SLC22A2: variants seen among roughly 807,000 people sequenced by gnomAD.
The protein encoded by SLC22A2 is solute carrier family 22 member 2.
SLC22A2 carries 46 observed loss-of-function variants against 60.5 expected under a neutral mutation model. The observed-to-expected ratio is 0.76, with a 90% CI of 0.60 to 0.97. SLC22A2 has a LOEUF of 0.97. SLC22A2 is among the 50% of genes least tolerant of loss of function. The pLI is 0.00. For synonymous variants in SLC22A2, 303 were observed against 267.0 expected, an observed-to-expected ratio of 1.13 and a Z score of -1.31; for missense variants, 701 against 706.6, an observed-to-expected ratio of 0.99 and a Z score of 0.09.
At chr6:160,218,964 CA>C (rs1417677299) in intron 10 of SLC22A2, among the ~76,000 whole-genome samples, 3 of 152,262 alleles carry the variant, frequency 2.0e-5, no homozygotes, top group Non-Finnish European at 2.9e-5. Context: ...ACAGCAGCAG[CA>C]GCAGCAGCAG....
intron 1 of SLC22A2, 105 bp downstream of exon 1, chr6:160,258,239 A>C: frequency 7.8e-7 from 1 of 1,279,620 alleles, no homozygotes; most frequent in Non-Finnish European, 1.1e-6. Flanking sequence ...CAGGCCAAAG[A>C]GATGTCCAGG....
intron 2 of SLC22A2, among the ~76,000 whole-genome samples, chr6:160,256,216 G>C (rs541982719): frequency 1.3e-5 from 2 of 151,936 alleles, no homozygotes; most frequent in African/African-American, 2.4e-5. Context: ...CAGCATATGC[G>C]AGACAAGCAG....
chr6:160,221,848 A>G (rs1782648946), intron 10 of SLC22A2, among the ~76,000 whole-genome samples: 3 of 152,220 alleles, frequency 2.0e-5, no homozygotes, highest in Non-Finnish European at 4.4e-5. Flanking sequence ...CTGATTGCAG[A>G]TCACCATCAC....
At chr6:160,250,831 G>T in intron 2 of SLC22A2, 129 bp from the exon 3 acceptor site, 1 of 880,516 alleles carries the variant, frequency 1.1e-6, no homozygotes, top group Non-Finnish European at 1.7e-6. Flanking sequence ...AATCCAGGAG[G>T]CACAGACTGA....
At chr6:160,232,779 C>G (rs373325647) in intron 9 of SLC22A2, among the ~76,000 whole-genome samples, 1 of 151,876 alleles carries the variant, frequency 6.6e-6, no homozygotes, top group African/African-American at 2.4e-5. Flanking sequence ...AAGCAGCTAG[C>G]ATTCCAACTT....
In SLC22A2 at chr6:160,253,452, A is replaced by G. The variant is rs547409608; in HGVS notation, c.519-2750T>C. ...AAACCGACATGGTGCACTGGTGGTC[A>G]TGTCTTATGGAAAGCTGCTCCTGCC... On this transcript the variant is annotated intron_variant, in intron 2 of 10. Transcript: ENST00000366953. Among the ~76,000 whole-genome samples the G allele has an allele frequency of 3.9e-5, 6 of 152,268 alleles. No individual in the cohort carries two copies. The South Asian group carries it at 1.2e-3, about 32-fold the overall frequency.
At chr6:160,234,861 C>T (rs1490940747) in intron 9 of SLC22A2, among the ~76,000 whole-genome samples, 1 of 152,206 alleles carries the variant, frequency 6.6e-6, no homozygotes, top group African/African-American at 2.4e-5. Flanking sequence ...TCAATCCTGG[C>T]TTAGGGAATG....
chr6:160,226,595 C>T (rs1782728752), intron 9 of SLC22A2, among the ~76,000 whole-genome samples: 1 of 152,092 alleles, frequency 6.6e-6, no homozygotes, highest in African/African-American at 2.4e-5. Context: ...TTTTTCTGTC[C>T]ATAAATCTTC....
intron 10 of SLC22A2, among the ~76,000 whole-genome samples, chr6:160,219,888 C>T (rs1283749799): frequency 6.6e-6 from 1 of 152,186 alleles, no homozygotes; most frequent in African/African-American, 2.4e-5. Flanking sequence ...TTTAAAAATG[C>T]TAACAATCAT....
intron 4 of SLC22A2, among the ~76,000 whole-genome samples, chr6:160,248,105 G>A (rs950395638): frequency 4.6e-5 from 7 of 152,204 alleles, no homozygotes; most frequent in Non-Finnish European, 8.8e-5. Context: ...TTCTGTCCCC[G>A]CTGAAGCGCA....
intron 10 of SLC22A2, among the ~76,000 whole-genome samples, chr6:160,222,448 G>C (rs572475971): frequency 2.6e-5 from 4 of 152,340 alleles, no homozygotes; most frequent in African/African-American, 9.6e-5. Context: ...ACTGGCGCTG[G>C]CTAGAGAAAG....
At chr6:160,242,484 A>C in intron 7 of SLC22A2, 82 bp from the exon 8 acceptor site, 1 of 820,750 alleles carries the variant, frequency 1.2e-6, no homozygotes, top group South Asian at 1.4e-5. Flanking sequence ...GACTGTAAGG[A>C]CAAATTCCCC....
In SLC22A2 at chr6:160,241,589, A is replaced by G; in HGVS notation, c.1389-3T>C. 1 of 1,595,226 alleles carries G rather than the reference A, an allele frequency of 6.3e-7. No homozygotes were observed. The highest frequency in any genetic ancestry group is 1.7e-5 in the Admixed American group (1 of 59,956). On this transcript the variant is annotated splice_region_variant and splice_polypyrimidine_tract_variant and intron_variant, in intron 8 of 10. Coordinates refer to ENST00000366953, the MANE Select transcript of SLC22A2 (RefSeq NM_003058.4). ...AACAGATGTGGACGCCAAGATTCCT[A>G]GAATGCAGGAAACTGATTTAACTTG...
Position 160,258,780 on chromosome 6 carries a change from G to A in SLC22A2, c.-23C>T, listed in dbSNP as rs60993352. On this transcript the variant is annotated 5_prime_UTR_variant, in exon 1 of 11. Transcript: ENST00000366953. ...CATGATCCTGCAGGCAGGAGGGCCC[G>A]AGGCTGCCCGACGTGCCCGGAGCGA... 2.6e-6 allele frequency: 4 copies of A among 1,519,562 alleles called. No individual in the cohort carries two copies. The highest frequency in any genetic ancestry group is 1.3e-5 in the South Asian group (1 of 76,064). The allele number at this position is 1,519,562 out of a possible 1,614,324, so 94.1% of individuals were successfully genotyped here.
intron 2 of SLC22A2, among the ~76,000 whole-genome samples, chr6:160,254,966 G>T (rs544384019): frequency 1.2e-4 from 18 of 152,344 alleles, no homozygotes; most frequent in African/African-American, 4.1e-4. Context: ...CTCACAGCCT[G>T]TCAGGGAGTG....
Position 160,242,323 on chromosome 6 carries a change from G to T in SLC22A2, c.1359C>A (p.Val453=). 1 of 1,603,526 alleles carries T rather than the reference G, an allele frequency of 6.2e-7. No individual in the cohort carries two copies. Among genetic ancestry groups the T allele is most frequent in the Non-Finnish European group, 8.5e-7 (1 of 1,170,304 alleles). ...ITMAYEIVCL[V]NAELYPTFIR... The stretch of plus-strand genomic sequence containing the variant: ...TGAATGTGGGGTACAGCTCAGCATT[G>T]ACCAGGCAGACTATCTCATAGGCCA... Residue 453 remains valine (V), a synonymous_variant, in exon 8 of 11, where the codon GTC becomes GTA. Coordinates refer to ENST00000366953, the MANE Select transcript of SLC22A2 (RefSeq NM_003058.4).
At position 160,247,195 on chromosome 6, in the gene SLC22A2, C is replaced by A. The variant is rs751147521; in HGVS notation, c.946G>T (p.Ala316Ser). The change falls in exon 5 of 11, where the codon GCC becomes TCC. Residue 316 changes from alanine to serine, a missense_variant. Transcript: ENST00000366953. ...AGGCCCTGGCTCACCTGAAGGGAGG[C>A]GGGTAGAGATTTTCCATTTTTCTTT... ...IAKKNGKSLP[A>S]SLQRLRLEEE... The A allele has an allele frequency of 1.3e-6, 2 of 1,594,852 alleles. No homozygotes were observed. The highest frequency in any genetic ancestry group is 2.2e-5 in the South Asian group (2 of 90,700).
chr6:160,242,006 G>T (rs1310303048), intron 8 of SLC22A2, among the ~76,000 whole-genome samples: 2 of 151,832 alleles, frequency 1.3e-5, no homozygotes, highest in Non-Finnish European at 2.9e-5. Context: ...GCTTCCCTAA[G>T]CTGTTTCTAT....
At chr6:160,224,552 T>G (rs1215297337) in intron 10 of SLC22A2, among the ~76,000 whole-genome samples, 153 bp downstream of exon 10, 1 of 152,242 alleles carries the variant, frequency 6.6e-6, no homozygotes. Context: ...GTAATTTTAC[T>G]AATTTTTTTG....
Sources: allele counts gnomAD v4.1 joint callset (sites outside exome capture counted in the v4.1 genomes callset), GRCh38; gene constraint gnomAD v4.1.1; transcripts MANE v1.5; gene names NCBI Gene and HGNC (gene_info 2026-07-23, HGNC 2026-07-21).